FBXL17: variants seen among roughly 807,000 people sequenced by gnomAD.
FBXL17 encodes the protein F-box and leucine rich repeat protein 17, also known as F-box/LRR-repeat protein 17.
In FBXL17, 22 loss-of-function variants were observed where a neutral mutation model predicts 66.2. That is an observed-to-expected ratio of 0.33 (90% CI 0.24 to 0.47). The LOEUF (loss-of-function observed/expected upper bound fraction) is 0.47. Ranked by LOEUF, FBXL17 falls within the 20% of genes least tolerant of loss-of-function variation. The pLI, the probability that FBXL17 is intolerant of heterozygous loss-of-function variation, is 1.00. For synonymous variants in FBXL17, 474 were observed against 400.5 expected (o/e 1.18, Z -2.19); for missense variants, 878 against 948.2 (o/e 0.93, Z 0.97).
intron 6 of FBXL17, among the ~76,000 whole-genome samples, chr5:108,157,521 C>T (rs980046984): frequency 6.7e-6 from 1 of 149,992 alleles, no homozygotes; most frequent in African/African-American, 2.5e-5. Flanking sequence ...CTGTATTCTA[C>T]GAACAGTTTT....
intron 4 of FBXL17, among the ~76,000 whole-genome samples, chr5:108,290,053 G>A (rs115303895): frequency 0.025 from 3,741 of 152,194 alleles, 148 homozygotes; most frequent in African/African-American, 0.085. Flanking sequence ...TGGAGACACT[G>A]GCATTTTAAA....
intron 4 of FBXL17, chr5:108,298,624 G>C (rs565218856): frequency 1.1e-6 from 1 of 924,540 alleles, no homozygotes; most frequent in East Asian, 1.2e-4. Flanking sequence ...TAATAGCAAA[G>C]TTCTTGATCA....
At chr5:107,945,564 G>A (rs768998913) in intron 7 of FBXL17, among the ~76,000 whole-genome samples, 2 of 152,136 alleles carry the variant, frequency 1.3e-5, no homozygotes, top group Non-Finnish European at 2.9e-5. Context: ...ATATAACAAT[G>A]TGGCTAAATC....
At chr5:108,202,087 T>A (rs1183817443) in intron 5 of FBXL17, among the ~76,000 whole-genome samples, 1 of 152,106 alleles carries the variant, frequency 6.6e-6, no homozygotes, top group Non-Finnish European at 1.5e-5. Flanking sequence ...CAAGAAAGGC[T>A]CTTTCAAAAA....
intron 4 of FBXL17, among the ~76,000 whole-genome samples, chr5:108,257,520 GATA>G (rs1756626065): frequency 6.6e-6 from 1 of 152,092 alleles, no homozygotes; most frequent in South Asian, 2.1e-4. Context: ...AGCAAAGGAA[GATA>G]ATAATTATCA....
chr5:108,142,980 T>TAATAATAAG (rs1268209350), intron 6 of FBXL17, among the ~76,000 whole-genome samples: 8 of 149,116 alleles, frequency 5.4e-5, no homozygotes, highest in Non-Finnish European at 8.9e-5. Flanking sequence ...ACATAAAGTA[T>TAATAATAAG]AATAATAATA....
At chr5:108,199,020 A>G (rs959071065) in intron 5 of FBXL17, among the ~76,000 whole-genome samples, 1 of 152,158 alleles carries the variant, frequency 6.6e-6, no homozygotes, top group African/African-American at 2.4e-5. Context: ...AGAAATGTCC[A>G]ACTGTAAAAC....
rs942692759 is a variant in FBXL17 at position 108,299,114 on chromosome 5, C to A, written c.1506+49285G>T. On this transcript the variant is annotated intron_variant, in intron 4 of 8. Transcript: ENST00000542267. ...TAAAAAACAGTCTGATTTATAACAG[C>A]TTTTTAAATTATTTAAAATTGTTAA... 2.0e-6 allele frequency: 2 copies of A among 977,574 alleles called. 1 individual carries two copies. Among genetic ancestry groups the A allele is most frequent in the Non-Finnish European group, 2.4e-6 (2 of 822,928 alleles). 60.6% of individuals were successfully genotyped at this position (977,574 alleles called of 1,614,324 possible).
At chr5:108,024,695 C>T (rs1471804787) in intron 6 of FBXL17, among the ~76,000 whole-genome samples, 1 of 152,102 alleles carries the variant, frequency 6.6e-6, no homozygotes, top group African/African-American at 2.4e-5. Context: ...GCCAGAAAAC[C>T]TGCTCCAAAG....
intron 6 of FBXL17, among the ~76,000 whole-genome samples, chr5:108,177,320 T>C (rs1263693766): frequency 6.6e-6 from 1 of 152,136 alleles, no homozygotes; most frequent in African/African-American, 2.4e-5. Context: ...TTGGAAAAAT[T>C]ACTTTTTACC....
intron 3 of FBXL17, among the ~76,000 whole-genome samples, chr5:108,351,481 T>A (rs555913831): frequency 1.3e-5 from 2 of 152,188 alleles, no homozygotes; most frequent in East Asian, 1.9e-4. Context: ...TTTCAGCTCA[T>A]ATGTATACTT....
chr5:107,971,872 C>T (rs528364978), intron 7 of FBXL17, among the ~76,000 whole-genome samples: 5 of 152,314 alleles, frequency 3.3e-5, no homozygotes, highest in Admixed American at 2.0e-4. Flanking sequence ...CACCCCAATT[C>T]TGTATTAGAT....
intron 4 of FBXL17, among the ~76,000 whole-genome samples, chr5:108,229,084 T>G (rs1435391391): frequency 2.0e-5 from 3 of 152,154 alleles, no homozygotes; most frequent in Non-Finnish European, 4.4e-5. Flanking sequence ...ATCTGTAGAT[T>G]GCTTTTAGCA....
intron 7 of FBXL17, among the ~76,000 whole-genome samples, chr5:107,961,093 T>C (rs1751884714): frequency 6.6e-6 from 1 of 152,152 alleles, no homozygotes; most frequent in African/African-American, 2.4e-5. Flanking sequence ...GGGTCCAGGT[T>C]GGTGAGAGAC....
chr5:108,154,904 G>A (rs1490925101), intron 6 of FBXL17, among the ~76,000 whole-genome samples: 3 of 151,342 alleles, frequency 2.0e-5, no homozygotes, highest in Non-Finnish European at 2.9e-5. Flanking sequence ...GTCAAGAAAC[G>A]GGATTTCCAT....
Position 108,304,616 on chromosome 5 carries a change from A to G in FBXL17, c.1506+43783T>C, listed in dbSNP as rs143362944. Among the ~76,000 whole-genome samples, 1,048 of 152,100 alleles carry G rather than the reference A, an allele frequency of 6.9e-3. 18 individuals carry two copies. Among genetic ancestry groups the G allele is most frequent in the African/African-American group, 0.024 (991 of 41,554 alleles). ...TTAAAAATAAATACACCTATCTGCA[A>G]GCCCTTTGGGTTGCCAAAAACAAAA... On this transcript the variant is annotated intron_variant, in intron 4 of 8. Coordinates refer to ENST00000542267, the MANE Select transcript of FBXL17 (RefSeq NM_001163315.3).
intron 7 of FBXL17, among the ~76,000 whole-genome samples, chr5:107,993,714 G>A (rs1285599084): frequency 6.6e-6 from 1 of 152,072 alleles, no homozygotes; most frequent in Non-Finnish European, 1.5e-5. Context: ...TGTTTAAAAG[G>A]AAGGTACACA....
intron 7 of FBXL17, among the ~76,000 whole-genome samples, chr5:108,009,866 CCT>C (rs1482130621): frequency 6.6e-6 from 1 of 152,044 alleles, no homozygotes; most frequent in Middle Eastern, 3.2e-3. Flanking sequence ...AATATTAACC[CCT>C]GATTTTATAG....
chr5:108,280,170 A>G (rs554147101), intron 4 of FBXL17, among the ~76,000 whole-genome samples: 10 of 152,316 alleles, frequency 6.6e-5, no homozygotes, highest in African/African-American at 2.2e-4. Context: ...ATAGAACATT[A>G]TATCAGGCTA....
Sources: allele counts gnomAD v4.1 joint callset (sites outside exome capture counted in the v4.1 genomes callset), GRCh38; gene constraint gnomAD v4.1.1; transcripts MANE v1.5; gene names NCBI Gene and HGNC (gene_info 2026-07-23, HGNC 2026-07-21).